Variants in SEMA3D observed in about 807,000 individuals in gnomAD.
SEMA3D encodes semaphorin-3D.
SEMA3D carries 84 observed loss-of-function variants against 100.1 expected under a neutral mutation model. That is an observed-to-expected ratio of 0.84 (90% CI 0.70 to 1.01). The LOEUF (loss-of-function observed/expected upper bound fraction) is 1.01. Among genes scored for constraint, SEMA3D ranks in the 50% least tolerant of loss-of-function variants. SEMA3D has a pLI of 0.00. For missense variants in SEMA3D, 875 were observed against 934.1 expected, an observed-to-expected ratio of 0.94 and a Z score of 0.82; for synonymous variants, 312 against 320.7, an observed-to-expected ratio of 0.97 and a Z score of 0.29.
the SEMA3D span, among the ~76,000 whole-genome samples, chr7:85,196,911 A>G: frequency 2.6e-5 from 4 of 152,296 alleles, no homozygotes; most frequent in East Asian, 7.7e-4. Context: ...ACCACTTTGG[A>G]AAACCCTGAG....
At chr7:85,048,855 GAACATGTAGAAATAT>G (rs1791080196) in intron 9 of SEMA3D, among the ~76,000 whole-genome samples, 1 of 151,788 alleles carries the variant, frequency 6.6e-6, no homozygotes, top group Non-Finnish European at 1.5e-5. Flanking sequence ...GTGTAACATA[GAACATGTAGAAATAT>G]AACATGTAGA....
chr7:85,214,716 G>A, the SEMA3D span, among the ~76,000 whole-genome samples: 13 of 151,926 alleles, frequency 8.6e-5, no homozygotes, highest in African/African-American at 2.2e-4. Flanking sequence ...GGCTAGTCTC[G>A]AACTCCCAAC....
chr7:85,221,924 C>A, the SEMA3D span, among the ~76,000 whole-genome samples: 1 of 151,974 alleles, frequency 6.6e-6, no homozygotes, highest in African/African-American at 2.4e-5. Flanking sequence ...ATTAACCTAA[C>A]TTGCTATTGA....
intron 4 of SEMA3D, among the ~76,000 whole-genome samples, chr7:85,097,563 T>C (rs1788599061): frequency 6.6e-6 from 1 of 151,920 alleles, no homozygotes; most frequent in African/African-American, 2.4e-5. Context: ...TATGTTTTCA[T>C]TTATATTTTC....
intron 5 of SEMA3D, among the ~76,000 whole-genome samples, chr7:85,075,143 T>C (rs898992591): frequency 1.2e-4 from 18 of 152,088 alleles, no homozygotes; most frequent in African/African-American, 4.3e-4. Flanking sequence ...GGGGAGAGTA[T>C]GCAGGGCAGG....
At chr7:85,151,962 A>G (rs1034473891) in intron 2 of SEMA3D, among the ~76,000 whole-genome samples, 14 of 152,056 alleles carry the variant, frequency 9.2e-5, no homozygotes, top group African/African-American at 3.4e-4. Context: ...TAATTATAGA[A>G]TAGTTCATTA....
intron 9 of SEMA3D, among the ~76,000 whole-genome samples, chr7:85,049,779 G>A (rs1052923337): frequency 6.6e-5 from 10 of 151,720 alleles, no homozygotes; most frequent in African/African-American, 2.2e-4. Flanking sequence ...CAATGCAAGT[G>A]GAATTGAAGC....
intron 13 of SEMA3D, 141 bp from the exon 14 acceptor site, chr7:85,020,462 A>G: frequency 1.6e-6 from 1 of 626,120 alleles, no homozygotes; most frequent in Non-Finnish European, 2.8e-6. Flanking sequence ...ACATGCATGA[A>G]CTGAAGCTTA....
At chr7:85,239,431 G>A in the SEMA3D span, among the ~76,000 whole-genome samples, 1 of 152,136 alleles carries the variant, frequency 6.6e-6, no homozygotes, top group Non-Finnish European at 1.5e-5. Context: ...AGACCTGCTG[G>A]TGCTTTGCTT....
chr7:85,152,493 C>T (rs546255745), intron 2 of SEMA3D, among the ~76,000 whole-genome samples: 1 of 152,050 alleles, frequency 6.6e-6, no homozygotes, highest in Admixed American at 6.6e-5. Flanking sequence ...AGGCTAAGTG[C>T]CTAAAATGTT....
At chr7:85,186,392 C>T (rs1013540506) in intron 1 of SEMA3D, among the ~76,000 whole-genome samples, 1 of 152,118 alleles carries the variant, frequency 6.6e-6, no homozygotes, top group Non-Finnish European at 1.5e-5. Context: ...GCAGTGCTGC[C>T]AGGCGGAGGC....
intron 1 of SEMA3D, among the ~76,000 whole-genome samples, chr7:85,176,406 T>C (rs1791227228): frequency 6.6e-6 from 1 of 152,098 alleles, no homozygotes; most frequent in Admixed American, 6.5e-5. Context: ...GTTCCATGAC[T>C]TTTTCCAAAC....
the SEMA3D span, among the ~76,000 whole-genome samples, chr7:85,198,182 C>A: frequency 6.6e-6 from 1 of 152,074 alleles, no homozygotes; most frequent in Admixed American, 6.6e-5. Flanking sequence ...CTTCAAGTTT[C>A]CTTTTTGTCT....
At chr7:85,239,672 C>T in the SEMA3D span, among the ~76,000 whole-genome samples, 2 of 152,252 alleles carry the variant, frequency 1.3e-5, no homozygotes, top group Admixed American at 6.5e-5. Context: ...TACTCACAAA[C>T]GTTAACATTC....
intron 3 of SEMA3D, among the ~76,000 whole-genome samples, chr7:85,110,256 A>T (rs1789056403): frequency 6.6e-6 from 1 of 151,992 alleles, no homozygotes; most frequent in Non-Finnish European, 1.5e-5. Context: ...TTCCATATAC[A>T]ATGTTAAATG....
chr7:85,113,506 T>C (rs375867808), intron 3 of SEMA3D, among the ~76,000 whole-genome samples: 6 of 150,718 alleles, frequency 4.0e-5, no homozygotes, highest in African/African-American at 1.2e-4. Context: ...GGCGCGGTGG[T>C]TCATGCCTGT....
At chr7:85,241,467 G>GTGTGTATA in the SEMA3D span, among the ~76,000 whole-genome samples, 54 of 91,854 alleles carry the variant, frequency 5.9e-4, 1 homozygote, top group African/African-American at 8.3e-4. Flanking sequence ...CTGTGTGTGT[G>GTGTGTATA]TATATATATA....
chr7:85,131,941 T>C (rs2116436317), intron 2 of SEMA3D, among the ~76,000 whole-genome samples: 1 of 151,988 alleles, frequency 6.6e-6, no homozygotes, highest in East Asian at 1.9e-4. Flanking sequence ...TCTTCCTAAA[T>C]ATGATGCCAC....
At chr7:85,095,688 T>C (rs922566474) in intron 4 of SEMA3D, among the ~76,000 whole-genome samples, 3 of 152,080 alleles carry the variant, frequency 2.0e-5, no homozygotes, top group Admixed American at 6.6e-5. Flanking sequence ...TGGATACCTA[T>C]ATAACATAAA....
Sources: gnomAD v4.1 joint callset for allele counts (sites outside exome capture counted in the v4.1 genomes callset) on GRCh38, gnomAD v4.1.1 for gene constraint, MANE v1.5 for transcripts, NCBI Gene and HGNC (gene_info 2026-07-23, HGNC 2026-07-21) for gene names.